The following ZNF615 variants were observed in gnomAD, a reference collection of about 807,000 sequenced individuals.
The protein encoded by ZNF615 is zinc finger protein 615.
In ZNF615, 15 loss-of-function variants were observed where a neutral mutation model predicts 15.3. The observed-to-expected ratio is 0.98, with a 90% CI of 0.66 to 1.51. ZNF615 has a LOEUF of 1.51. ZNF615 is among the 40% of genes most tolerant of loss of function. The pLI is 0.00. For missense variants in ZNF615, 848 were observed against 895.9 expected (o/e 0.95, Z 0.68); for synonymous variants, 268 against 294.6 (o/e 0.91, Z 0.92).
At chr19:52,007,107 T>C (rs1253790068) in intron 2 of ZNF615, among the ~76,000 whole-genome samples, 186 bp downstream of exon 2, 3 of 152,212 alleles carry the variant, frequency 2.0e-5, no homozygotes, top group East Asian at 3.8e-4. Context: ...AATGCACTTA[T>C]AGTACCACCG....
At chr19:52,003,485 G>T (rs2086662677) in intron 3 of ZNF615, among the ~76,000 whole-genome samples, 1 of 152,156 alleles carries the variant, frequency 6.6e-6, no homozygotes, top group Admixed American at 6.5e-5. Flanking sequence ...TACAGCAAAT[G>T]TAACCTACGG....
rs1444888151 is a variant in ZNF615 at position 52,001,851 on chromosome 19, C to A, written c.200G>T (p.Cys67Phe). 2 of 1,614,070 alleles carry A rather than the reference C, an allele frequency of 1.2e-6. 1 individual carries two copies. ...LSKLERGEETCTTEDEIYSRI... is the reference protein window; with the variant it reads ...LSKLERGEETFTTEDEIYSRI... ...AGAGTAGATTTCATCTTCTGTTGTGCAAGTTTCTTCTCCTCGTTCCAATTT... is the reference window on the plus strand; with the variant it reads ...AGAGTAGATTTCATCTTCTGTTGTGAAAGTTTCTTCTCCTCGTTCCAATTT... Residue 67 changes from cysteine (C) to phenylalanine (F), a missense_variant, in exon 5 of 7, where the codon TGC (cysteine) becomes TTC (phenylalanine). Transcript: ENST00000598071.
rs754558772 is a variant in ZNF615 at position 51,993,752 on chromosome 19, G to C, written c.1357C>G (p.Pro453Ala). 1.2e-6 allele frequency: 2 copies of C among 1,613,094 alleles called. No homozygotes were observed. The highest frequency in any genetic ancestry group is 2.7e-5 in the African/African-American group (2 of 74,584). Residue 453 changes from proline (P) to alanine (A), a missense_variant, in exon 7 of 7, where the codon CCA becomes GCA. Pro to Ala is a conservative substitution (Grantham distance 27). Coordinates refer to ENST00000598071, the MANE Select transcript of ZNF615 (RefSeq NM_001199324.2). ...TGTGTTCGCTGATGTCTGATGAGTG[G>C]GCTCTTCAAAGCGAAGCCCTTTCCA... ...ECGKGFALKS[P>A]LIRHQRTHTG...
chr19:51,992,705 T>G lies in ZNF615; in HGVS notation c.*175A>C. On this transcript the variant is annotated 3_prime_UTR_variant, in exon 7 of 7. Transcript: ENST00000598071. ...ATAGGATTTTTCTCAGTATACAATTTTTAGACATAATGTCCTAAAATATTT... is the reference window on the plus strand; with the variant it reads ...ATAGGATTTTTCTCAGTATACAATTGTTAGACATAATGTCCTAAAATATTT... 1 of 822,226 alleles carries G rather than the reference T, an allele frequency of 1.2e-6. No individual in the cohort carries two copies. Among genetic ancestry groups the G allele is most frequent in the Non-Finnish European group, 1.9e-6 (1 of 528,180 alleles). 50.9% of individuals were successfully genotyped at this position (822,226 alleles called of 1,614,324 possible).
chr19:52,008,065 T>C, intron 1 of ZNF615, 76 bp downstream of exon 1: 1 of 1,396,744 alleles, frequency 7.2e-7, no homozygotes, highest in Non-Finnish European at 9.8e-7. Context: ...CCATCACCAC[T>C]GTCCACGAAC....
In ZNF615 at chr19:51,993,026, C is replaced by A. The variant is rs771309649; in HGVS notation, c.2083G>T (p.Asp695Tyr). 6.2e-7 allele frequency: 1 copy of A among 1,614,076 alleles called. No individual in the cohort carries two copies. Among genetic ancestry groups the A allele is most frequent in the Non-Finnish European group, 8.5e-7 (1 of 1,180,036 alleles). ...HTGEKPYKCS[D>Y]CGKAFTTKSG... ...TTTGTAGTGAAGGCTTTCCCGCAGT[C>A]ACTGCATTTGTACGGTTTCTCTCCT... Residue 695 changes from aspartate (D) to tyrosine (Y), a missense_variant, in exon 7 of 7, where the codon GAC (aspartate) becomes TAC (tyrosine). Coordinates refer to ENST00000598071, the MANE Select transcript of ZNF615 (RefSeq NM_001199324.2).
At position 51,994,255 on chromosome 19, in the gene ZNF615, T is replaced by G; in HGVS notation, c.854A>C (p.Gln285Pro). Residue 285 changes from glutamine (Q) to proline (P), a missense_variant, in exon 7 of 7, where the codon CAG becomes CCG. Physicochemically the swap from Gln to Pro is moderately conservative, Grantham distance 76. Coordinates refer to ENST00000598071, the MANE Select transcript of ZNF615 (RefSeq NM_001199324.2). ...ECDKTFLKKS[Q>P]LNIHQKTHMG... ...ATGAGTTTTCTGATGTATATTGAGC[T>G]GTGATTTCTTGAGGAAGGTTTTGTC... 2 of 1,614,182 alleles carry G rather than the reference T, an allele frequency of 1.2e-6. No homozygotes were observed. Among genetic ancestry groups the G allele is most frequent in the Non-Finnish European group, 1.7e-6 (2 of 1,180,026 alleles).
rs372415158 is a variant in ZNF615, at chr19:51,994,493, G to A, written c.616C>T (p.Gln206Ter). The A allele has an allele frequency of 1.5e-5, 25 of 1,614,150 alleles. No homozygotes were observed. In the African/African-American group the frequency reaches 3.1e-4, roughly 20 times the overall value. ...PINKSQFIKQ[Q>*]RTHNIENAHV... ...GCATTCTCTATGTTGTGAGTTCTCT[G>A]TTGCTTAATGAACTGGGACTTATTA... Residue 206 changes from glutamine (Q) to a stop codon, truncating the protein, a stop_gained, in exon 7 of 7, where the codon CAG (glutamine) becomes TAG (stop). Transcript: ENST00000598071. LOFTEE classifies it low-confidence loss of function (END_TRUNC).
intron 6 of ZNF615, among the ~76,000 whole-genome samples, chr19:51,995,077 G>A (rs8105622): frequency 0.35 from 53,457 of 151,712 alleles, 9,867 homozygotes; most frequent in South Asian, 0.55. Context: ...TGGGTAGGTA[G>A]TGGAAAATTA....
intron 1 of ZNF615, among the ~76,000 whole-genome samples, chr19:52,007,745 A>G (rs2086795629): frequency 1.3e-5 from 2 of 152,146 alleles, no homozygotes; most frequent in South Asian, 4.1e-4. Flanking sequence ...TTTAGTCCCA[A>G]ACAAAACCTG....
intron 6 of ZNF615, 29 bp from the exon 7 acceptor site, chr19:51,994,866 C>A: frequency 6.5e-7 from 1 of 1,531,516 alleles, no homozygotes; most frequent in South Asian, 1.3e-5. Context: ...GTCAATCACT[C>A]CATCATCTTG....
intron 1 of ZNF615, 53 bp from the exon 2 acceptor site, chr19:52,007,383 G>A (rs1381633311): frequency 1.9e-6 from 2 of 1,080,192 alleles, no homozygotes; most frequent in African/African-American, 1.7e-5. Flanking sequence ...ACAAAGGGTA[G>A]AAGCCGCATC....
intron 3 of ZNF615, among the ~76,000 whole-genome samples, chr19:52,003,481 A>G (rs1034813015): frequency 6.6e-5 from 10 of 152,204 alleles, no homozygotes; most frequent in African/African-American, 2.4e-4. Context: ...AGTTTACAGC[A>G]AATGTAACCT....
intron 2 of ZNF615, 68 bp from the exon 3 acceptor site, chr19:52,003,968 C>T: frequency 8.6e-7 from 1 of 1,159,188 alleles, no homozygotes; most frequent in Non-Finnish European, 1.1e-6. Context: ...TTCCTATATG[C>T]TCACCTTAAA....
At chr19:51,999,943 C>CA (rs1555771962) in intron 6 of ZNF615, among the ~76,000 whole-genome samples, 3 of 152,088 alleles carry the variant, frequency 2.0e-5, no homozygotes, top group Non-Finnish European at 4.4e-5. Context: ...CAGCCTGCAG[C>CA]ACGATTCACA....
chr19:52,002,642 C>A (rs1211175916), intron 3 of ZNF615, among the ~76,000 whole-genome samples: 1 of 152,080 alleles, frequency 6.6e-6, no homozygotes, highest in Non-Finnish European at 1.5e-5. Context: ...AGCTTTCAGG[C>A]CAATATCAAA....
At chr19:52,007,155 A>C in intron 2 of ZNF615, 138 bp downstream of exon 2, 1 of 442,644 alleles carries the variant, frequency 2.3e-6, no homozygotes, top group Non-Finnish European at 3.8e-6. Context: ...TGTTTATTAC[A>C]TAATATAAAG....
rs763690181 is a variant in ZNF615, at chr19:52,002,192, G to A, written c.105C>T (p.Asp35=). ...GGTTGCTGTAGTTCTCCAACATCAC[G>A]TCCCGGTACAGGTCCTTCTGAGCAG... ...LSPAQKDLYR[D]VMLENYSNLV... Residue 35 remains aspartate (D), a synonymous_variant, in exon 4 of 7, where the codon GAC becomes GAT. Transcript: ENST00000598071. The A allele has an allele frequency of 1.7e-5, 27 of 1,614,002 alleles. No homozygotes were observed. The highest frequency in any genetic ancestry group is 1.9e-5 in the Non-Finnish European group (23 of 1,180,022).
rs1389853797 is a variant in ZNF615, at chr19:51,991,790, G to A, written c.*1090C>T. ...ACAAAAATGCATGCATGTTAAAACT[G>A]GTGATTTCCAAATAAATTCTGTAGT... On this transcript the variant is annotated 3_prime_UTR_variant, in exon 7 of 7. Transcript: ENST00000598071. 6.6e-6 allele frequency: 1 copy of A among 151,954 alleles called. No homozygotes were observed. The highest frequency in any genetic ancestry group is 1.9e-4 in the East Asian group (1 of 5,188). The allele number at this position is 151,954 out of a possible 1,614,324, so 9.4% of individuals were successfully genotyped here.
Sources: allele counts gnomAD v4.1 joint callset (sites outside exome capture counted in the v4.1 genomes callset), GRCh38; gene constraint gnomAD v4.1.1; transcripts MANE v1.5; gene names NCBI Gene and HGNC (gene_info 2026-07-23, HGNC 2026-07-21).